MTOR: variants seen among roughly 807,000 people sequenced by gnomAD.
MTOR encodes the protein mechanistic target of rapamycin kinase.
Under a neutral mutation model 319.8 loss-of-function variants are expected in MTOR, and 70 were observed. That is an observed-to-expected ratio of 0.22 (90% CI 0.18 to 0.27). MTOR has a LOEUF of 0.27. Among genes scored for constraint, MTOR ranks in the 10% least tolerant of loss-of-function variants. MTOR has a pLI of 1.00. For missense variants in MTOR, 1,890 were observed against 3,274.4 expected (o/e 0.58, Z 10.32); for synonymous variants, 1,183 against 1,211.4 (o/e 0.98, Z 0.49).
chr1:11,230,118 C>A, intron 18 of MTOR, among the ~76,000 whole-genome samples: 1 of 98,244 alleles, frequency 1.0e-5, no homozygotes, highest in South Asian at 5.5e-4. Context: ...TAAAACAAAC[C>A]TTTAAAAAAA....
At position 11,108,035 on chromosome 1, in the gene MTOR, G is replaced by A. The variant is rs1315186598; in HGVS notation, c.7634+146C>T. The A allele has an allele frequency of 5.0e-6, 3 of 597,940 alleles. 1 individual carries two copies. The Admixed American group carries it at 9.3e-5, about 19-fold the overall frequency. The allele number at this position is 597,940 out of a possible 1,614,324, so 37.0% of individuals were successfully genotyped here. On this transcript the variant is annotated intron_variant, in intron 57 of 57. Coordinates refer to ENST00000361445, the MANE Select transcript of MTOR (RefSeq NM_004958.4). ...TTTTTTATAACAATGGGCACATGCA[G>A]TAAATATGAATTTTTAAAGAGATCT... is the stretch of plus-strand genomic sequence containing the variant.
intron 28 of MTOR, among the ~76,000 whole-genome samples, chr1:11,174,750 G>A (rs767173281): frequency 2.0e-5 from 3 of 152,120 alleles, no homozygotes; most frequent in African/African-American, 4.8e-5. Flanking sequence ...CTTGTTTTAC[G>A]GGGCAGCTGG....
intron 30 of MTOR, among the ~76,000 whole-genome samples, chr1:11,152,180 T>C (rs1644171165): frequency 6.6e-6 from 1 of 152,128 alleles, no homozygotes; most frequent in Non-Finnish European, 1.5e-5. Flanking sequence ...TCAAGGGCGG[T>C]TGGGTGAGGG....
chr1:11,248,146 A>T, intron 6 of MTOR, 52 bp from the exon 7 acceptor site: 1 of 1,516,914 alleles, frequency 6.6e-7, no homozygotes, highest in Non-Finnish European at 8.9e-7. Flanking sequence ...TGGCATTCAA[A>T]CTGGGCACTG....
Position 11,234,235 on chromosome 1 carries a change from C to A in MTOR, c.2239G>T (p.Gly747Ter), listed in dbSNP as rs2100881847. 1 of 1,614,030 alleles carries A rather than the reference C, an allele frequency of 6.2e-7. No homozygotes were observed. The highest frequency in any genetic ancestry group is 1.7e-5 in the Admixed American group (1 of 60,006). ...ILTELEHSGIGRIKEQSARML... is the reference protein window; with the variant it reads ...ILTELEHSGI ...CGGGCACTCTGCTCTTTGATTCTTC[C>A]AATCCCACTGTGCTCCAACTCTGTC... The change falls in exon 14 of 58, where the codon GGA (glycine) becomes TGA (stop). Residue 747 changes from glycine to a stop codon, truncating the protein, a stop_gained. Transcript: ENST00000361445. LOFTEE classifies it high-confidence loss of function.
At chr1:11,140,662 C>T (rs1348973502) in intron 34 of MTOR, among the ~76,000 whole-genome samples, 2 of 152,150 alleles carry the variant, frequency 1.3e-5, no homozygotes, top group Non-Finnish European at 2.9e-5. Flanking sequence ...TAACCTCTGA[C>T]AGATCTGTAG....
chr1:11,142,583 C>T (rs1643765566), intron 34 of MTOR, among the ~76,000 whole-genome samples: 2 of 152,174 alleles, frequency 1.3e-5, no homozygotes, highest in South Asian at 4.1e-4. Context: ...AGGTGTGAGC[C>T]ACCATGCCTG....
intron 13 of MTOR, among the ~76,000 whole-genome samples, chr1:11,236,350 G>A (rs957683257): frequency 1.3e-5 from 2 of 151,932 alleles, no homozygotes; most frequent in African/African-American, 4.8e-5. Context: ...TCCCCAGGCT[G>A]GTCTTGTCAA....
intron 34 of MTOR, among the ~76,000 whole-genome samples, chr1:11,140,496 G>A (rs1350881443): frequency 6.6e-6 from 1 of 151,904 alleles, no homozygotes; most frequent in African/African-American, 2.4e-5. Context: ...TGTGCCTCCC[G>A]GTTCCTAACA....
chr1:11,213,292 A>G, intron 21 of MTOR, 107 bp downstream of exon 21: 1 of 1,178,660 alleles, frequency 8.5e-7, no homozygotes, highest in Non-Finnish European at 1.2e-6. Context: ...GTCTTATGGA[A>G]TGGGCATCAA....
At chr1:11,134,974 C>G (rs1643335836) in intron 36 of MTOR, among the ~76,000 whole-genome samples, 1 of 152,226 alleles carries the variant, frequency 6.6e-6, no homozygotes. Flanking sequence ...AACCCGCATG[C>G]ATTCACAGGG....
At position 11,250,254 on chromosome 1, in the gene MTOR, G is replaced by A. The variant is rs1455854303; in HGVS notation, c.841-2160C>T. On this transcript the variant is annotated intron_variant, in intron 6 of 57. Coordinates refer to ENST00000361445, the MANE Select transcript of MTOR (RefSeq NM_004958.4). Reference sequence around the variant, plus strand: ...CCCCCACCTCCCTCCCGGACGGGGCGGCTGGCCGGGCAGGGGGCTGACCCC... The same window carrying A: ...CCCCCACCTCCCTCCCGGACGGGGCAGCTGGCCGGGCAGGGGGCTGACCCC... Among the ~76,000 whole-genome samples the A allele has an allele frequency of 5.9e-5, 8 of 135,272 alleles. No homozygotes were observed. The East Asian group carries it at 1.3e-3, about 23-fold the overall frequency. The allele number at this position is 135,272 out of a possible 152,430, so 88.7% of individuals were successfully genotyped here. A position where few individuals can be genotyped will look rare whatever the true frequency, so the allele number is the denominator to read the frequency against.
chr1:11,257,542 G>A (rs558579046), intron 3 of MTOR, among the ~76,000 whole-genome samples: 128 of 136,688 alleles, frequency 9.4e-4, no homozygotes, highest in African/African-American at 2.0e-3. Flanking sequence ...CAGCCTGGGC[G>A]ACAGAGTGAG....
At chr1:11,125,082 G>A (rs575195382) in intron 46 of MTOR, among the ~76,000 whole-genome samples, 1 of 151,874 alleles carries the variant, frequency 6.6e-6, no homozygotes, top group African/African-American at 2.4e-5. Flanking sequence ...AGTTCTAGAA[G>A]CTACCACTCT....
chr1:11,223,137 C>T (rs1015324001), intron 19 of MTOR, among the ~76,000 whole-genome samples: 3 of 149,608 alleles, frequency 2.0e-5, no homozygotes, highest in Non-Finnish European at 4.4e-5. Flanking sequence ...AGAAACAGGA[C>T]AAATGACCTG....
At chr1:11,243,044 A>G in intron 9 of MTOR, 70 bp downstream of exon 9, 1 of 1,568,134 alleles carries the variant, frequency 6.4e-7, no homozygotes, top group Non-Finnish European at 8.7e-7. Context: ...AGCTCCGTGG[A>G]TCTGAAATAG....
chr1:11,129,035 G>T lies in MTOR; in HGVS notation c.5715-84C>A. On this transcript the variant is annotated intron_variant, in intron 40 of 57. Transcript: ENST00000361445. The surrounding 1 kb of genome is among the most constrained non-coding windows in gnomAD (Gnocchi z 4.7). ...TTTTCATCTCTAAGGCTCCTGAGAAGAGAGCTGGCAGGGACTCCAACCAGT... is the reference window on the plus strand; with the variant it reads ...TTTTCATCTCTAAGGCTCCTGAGAATAGAGCTGGCAGGGACTCCAACCAGT... 1 of 1,175,982 alleles carries T rather than the reference G, an allele frequency of 8.5e-7. No homozygotes were observed. Among genetic ancestry groups the T allele is most frequent in the Non-Finnish European group, 1.2e-6 (1 of 809,698 alleles). 72.8% of individuals were successfully genotyped at this position (1,175,982 alleles called of 1,614,324 possible).
intron 18 of MTOR, among the ~76,000 whole-genome samples, chr1:11,230,023 C>T (rs1253872702): frequency 6.6e-6 from 1 of 151,854 alleles, no homozygotes; most frequent in African/African-American, 2.4e-5. Context: ...CAACAGACCA[C>T]CAGAAATTAT....
chr1:11,186,082 CAAAA>C (rs765868801), intron 28 of MTOR, among the ~76,000 whole-genome samples: 2 of 43,010 alleles, frequency 4.7e-5, no homozygotes, highest in Admixed American at 5.1e-4. Context: ...GACTCCGTCT[CAAAA>C]AAAAAAAAAA....
Sources: allele counts gnomAD v4.1 joint callset (sites outside exome capture counted in the v4.1 genomes callset), GRCh38; gene constraint gnomAD v4.1.1; non-coding constraint Gnocchi (gnomAD v3.1); transcripts MANE v1.5; gene names NCBI Gene and HGNC (gene_info 2026-07-23, HGNC 2026-07-21).